Variants in DDX4 observed in about 807,000 individuals in gnomAD.
The protein encoded by DDX4 is probable ATP-dependent RNA helicase DDX4.
Under a neutral mutation model 100.0 loss-of-function variants are expected in DDX4, and 25 were observed. The ratio of observed to expected loss-of-function variants is 0.25; its 90% confidence interval spans 0.18 to 0.35. The LOEUF (loss-of-function observed/expected upper bound fraction) is 0.35, where lower values mean the gene tolerates loss of function less well. Ranked by LOEUF, DDX4 falls within the 10% of genes least tolerant of loss-of-function variation. DDX4 has a pLI of 1.00. For missense variants in DDX4, 635 were observed against 882.4 expected, an observed-to-expected ratio of 0.72 and a Z score of 3.55; for synonymous variants, 259 against 275.7, an observed-to-expected ratio of 0.94 and a Z score of 0.60.
At chr5:55,796,731 T>C (rs150031775) in intron 17 of DDX4, among the ~76,000 whole-genome samples, 14 of 151,974 alleles carry the variant, frequency 9.2e-5, no homozygotes, top group Non-Finnish European at 1.9e-4. Flanking sequence ...AGAATGCCTT[T>C]CCACAATCAT....
intron 18 of DDX4, among the ~76,000 whole-genome samples, 172 bp downstream of exon 18, chr5:55,798,743 T>C (rs1479367126): frequency 2.6e-5 from 4 of 152,210 alleles, no homozygotes; most frequent in Non-Finnish European, 5.9e-5. Context: ...GGGTAAATTA[T>C]ATAAAAATAT....
chr5:55,744,355 T>A (rs1759138936), intron 2 of DDX4, among the ~76,000 whole-genome samples: 1 of 152,220 alleles, frequency 6.6e-6, no homozygotes, highest in African/African-American at 2.4e-5. Context: ...ATTCTTAAAT[T>A]ATTAAATTCT....
intron 17 of DDX4, among the ~76,000 whole-genome samples, chr5:55,796,384 T>G (rs1004632925): frequency 6.6e-6 from 1 of 152,226 alleles, no homozygotes; most frequent in Admixed American, 6.5e-5. Context: ...GCTTCTCTAT[T>G]TCCCACCTTA....
chr5:55,766,437 TG>T lies in DDX4; in HGVS notation c.335-1443del, dbSNP rs1227683963. ...TTGCCAGGTCCCAGATTAGTAGTTTTGTTTTTTTTTTTTTTTTCTCGAAAGC... is the reference window on the plus strand; with the variant it reads ...TTGCCAGGTCCCAGATTAGTAGTTTTTTTTTTTTTTTTTTTTCTCGAAAGC... On this transcript the variant is annotated intron_variant, in intron 6 of 21. Coordinates refer to ENST00000505374, the MANE Select transcript of DDX4 (RefSeq NM_024415.3). Among the ~76,000 whole-genome samples the T allele has an allele frequency of 4.3e-3, 652 of 151,226 alleles. 3 individuals are homozygous for T. Among genetic ancestry groups the T allele is most frequent in the African/African-American group, 0.015 (631 of 40,994 alleles).
Position 55,764,076 on chromosome 5 carries a change from AT to A in DDX4, c.334+17del. On this transcript the variant is annotated intron_variant, in intron 6 of 21. Transcript: ENST00000505374. Reference sequence around the variant, plus strand: ...TGGTTTCTGGAGAGGTAAGGTTGATATTTTTGTGTTTTAAAATTTAATGTCA... The same window carrying A: ...TGGTTTCTGGAGAGGTAAGGTTGATATTTTGTGTTTTAAAATTTAATGTCA... The A allele has an allele frequency of 4.4e-6, 7 of 1,597,624 alleles. No homozygotes were observed. Among genetic ancestry groups the A allele is most frequent in the Non-Finnish European group, 6.0e-6 (7 of 1,165,612 alleles).
At chr5:55,783,678 A>G (rs199983122) in intron 10 of DDX4, among the ~76,000 whole-genome samples, 85 of 85,052 alleles carry the variant, frequency 1.0e-3, no homozygotes, top group Middle Eastern at 5.3e-3. Flanking sequence ...TGGATGGATG[A>G]ATGGATGGAT....
intron 7 of DDX4, among the ~76,000 whole-genome samples, chr5:55,772,046 C>T (rs62361895): frequency 0.09 from 13,692 of 152,026 alleles, 760 homozygotes; most frequent in East Asian, 0.15. Flanking sequence ...TGGTGAAACC[C>T]CGTCTGTACT....
intron 6 of DDX4, chr5:55,766,918 AC>A (rs1355884671): frequency 7.3e-6 from 11 of 1,516,222 alleles, no homozygotes; most frequent in Non-Finnish European, 8.9e-6. Context: ...TTCAGAATAA[AC>A]ATTTCTGGGA....
intron 18 of DDX4, among the ~76,000 whole-genome samples, chr5:55,799,562 A>G (rs993861885): frequency 2.6e-5 from 4 of 151,854 alleles, no homozygotes; most frequent in Non-Finnish European, 5.9e-5. Context: ...TTTTGTAGAG[A>G]TGGGGTTTTT....
At chr5:55,748,842 C>A (rs1206353171) in intron 3 of DDX4, among the ~76,000 whole-genome samples, 1 of 152,180 alleles carries the variant, frequency 6.6e-6, no homozygotes, top group Admixed American at 6.5e-5. Flanking sequence ...TTCCCACATA[C>A]ATGATCGTAT....
intron 16 of DDX4, among the ~76,000 whole-genome samples, chr5:55,791,987 G>A (rs1175919312): frequency 6.6e-6 from 1 of 152,034 alleles, no homozygotes; most frequent in Non-Finnish European, 1.5e-5. Context: ...AGCCAGGCAT[G>A]GGGGCATGTG....
intron 10 of DDX4, among the ~76,000 whole-genome samples, chr5:55,782,602 T>C (rs1440136675): frequency 6.6e-6 from 1 of 152,010 alleles, no homozygotes; most frequent in East Asian, 1.9e-4. Flanking sequence ...CACCAGTTTT[T>C]TGTTTGTTAA....
At chr5:55,802,011 A>C (rs1376663329) in intron 18 of DDX4, among the ~76,000 whole-genome samples, 2 of 152,192 alleles carry the variant, frequency 1.3e-5, no homozygotes, top group Non-Finnish European at 2.9e-5. Flanking sequence ...GCACCAGGTC[A>C]GCTTATATGG....
At chr5:55,809,626 C>G (rs1042836896) in intron 18 of DDX4, among the ~76,000 whole-genome samples, 2 of 152,188 alleles carry the variant, frequency 1.3e-5, no homozygotes, top group African/African-American at 4.8e-5. Flanking sequence ...CTGGGAAAGA[C>G]TTACTTTGTC....
chr5:55,810,063 A>G (rs1744030399), intron 18 of DDX4, among the ~76,000 whole-genome samples: 1 of 152,140 alleles, frequency 6.6e-6, no homozygotes, highest in African/African-American at 2.4e-5. Context: ...GAGGCCGAGT[A>G]TCACTTATCC....
intron 18 of DDX4, among the ~76,000 whole-genome samples, chr5:55,805,070 A>G (rs1485204556): frequency 1.3e-5 from 2 of 151,540 alleles, no homozygotes; most frequent in Non-Finnish European, 2.9e-5. Flanking sequence ...TAGGTATTTT[A>G]TTTTCTTTGA....
chr5:55,806,425 A>C (rs889137626), intron 18 of DDX4, among the ~76,000 whole-genome samples: 8 of 152,118 alleles, frequency 5.3e-5, no homozygotes, highest in African/African-American at 1.4e-4. Flanking sequence ...TTAGGGTGTC[A>C]GTTTTAGATC....
chr5:55,791,015 C>G (rs1742528289), intron 16 of DDX4, among the ~76,000 whole-genome samples: 1 of 152,132 alleles, frequency 6.6e-6, no homozygotes, highest in Non-Finnish European at 1.5e-5. Flanking sequence ...TATTCTACAT[C>G]CCACTACGCT....
chr5:55,811,149 C>T (rs1025344752), intron 18 of DDX4, among the ~76,000 whole-genome samples: 2 of 151,748 alleles, frequency 1.3e-5, no homozygotes, highest in South Asian at 2.1e-4. Context: ...CTCTCATAAG[C>T]GAAAGCATTA....
Sources: allele counts gnomAD v4.1 joint callset (sites outside exome capture counted in the v4.1 genomes callset), GRCh38; gene constraint gnomAD v4.1.1; transcripts MANE v1.5; gene names NCBI Gene and HGNC (gene_info 2026-07-23, HGNC 2026-07-21).